VPS53: variants seen among roughly 807,000 people sequenced by gnomAD.
The protein encoded by VPS53 is VPS53 subunit of GARP complex, also known as vacuolar protein sorting-associated protein 53 homolog.
A neutral mutation model predicts 107.0 loss-of-function variants in VPS53; 70 were observed. The ratio of observed to expected loss-of-function variants is 0.65; its 90% CI spans 0.54 to 0.80. The LOEUF (loss-of-function observed/expected upper bound fraction) is 0.80. VPS53 is among the 30% of genes least tolerant of loss of function. The probability of loss-of-function intolerance (pLI) is 0.00; values close to 1 mark genes in which losing one functional copy is unlikely to be tolerated. For synonymous variants in VPS53, 409 were observed against 393.3 expected (o/e 1.04, Z -0.47); for missense variants, 917 against 1,049.4 (o/e 0.87, Z 1.74).
intron 4 of VPS53, among the ~76,000 whole-genome samples, chr17:682,899 G>C (rs1972453525): frequency 7.3e-6 from 1 of 137,338 alleles, no homozygotes; most frequent in African/African-American, 3.1e-5. Flanking sequence ...TGAATAATAT[G>C]CTAAAGAATC....
intron 5 of VPS53, chr17:656,843 A>G: frequency 6.3e-7 from 1 of 1,590,338 alleles, no homozygotes. Flanking sequence ...CTCTTCAGCA[A>G]TGGTGAGGCG....
intron 7 of VPS53, among the ~76,000 whole-genome samples, chr17:651,799 C>T (rs953264747): frequency 1.3e-5 from 2 of 152,146 alleles, no homozygotes; most frequent in Non-Finnish European, 2.9e-5. Flanking sequence ...AGTGTTCTTC[C>T]TGCCCCTCCT....
At chr17:560,748 T>C (rs1323533607) in intron 14 of VPS53, among the ~76,000 whole-genome samples, 175 bp from the exon 15 acceptor site, 1 of 152,142 alleles carries the variant, frequency 6.6e-6, no homozygotes, top group African/African-American at 2.4e-5. Flanking sequence ...CCGTCAGAAA[T>C]AGGAAGAGAT....
intron 2 of VPS53, among the ~76,000 whole-genome samples, chr17:709,739 A>C (rs750188301): frequency 6.6e-6 from 1 of 152,208 alleles, no homozygotes; most frequent in Non-Finnish European, 1.5e-5. Flanking sequence ...CAACTCTGCT[A>C]CTTCCAGTTC....
intron 15 of VPS53, among the ~76,000 whole-genome samples, chr17:556,826 G>A (rs60712804): frequency 0.26 from 36,722 of 141,388 alleles, 4,760 homozygotes; most frequent in East Asian, 0.39. Flanking sequence ...CGTAACTTCG[G>A]TTTTGTGGTG....
intron 7 of VPS53, among the ~76,000 whole-genome samples, chr17:640,051 G>T (rs1160025412): frequency 6.6e-6 from 1 of 152,244 alleles, no homozygotes. Context: ...GCTCCATCCA[G>T]TTCCAGCTTC....
At chr17:574,100 C>A (rs1914409283) in intron 13 of VPS53, among the ~76,000 whole-genome samples, 1 of 152,154 alleles carries the variant, frequency 6.6e-6, no homozygotes, top group Admixed American at 6.5e-5. Context: ...GTCTGACTAT[C>A]TCTCTTGACA....
intron 11 of VPS53, among the ~76,000 whole-genome samples, chr17:620,621 G>A (rs937729834): frequency 6.6e-6 from 1 of 152,044 alleles, no homozygotes; most frequent in Admixed American, 6.5e-5. Flanking sequence ...TATAGCGTGG[G>A]TCACCAAGTG....
chr17:640,188 AC>A (rs1304557989), intron 7 of VPS53, among the ~76,000 whole-genome samples: 1 of 151,816 alleles, frequency 6.6e-6, no homozygotes, highest in Non-Finnish European at 1.5e-5. Flanking sequence ...TGGGTGTGGG[AC>A]CCGCCGAGCC....
intron 15 of VPS53, among the ~76,000 whole-genome samples, chr17:558,231 G>T (rs1912615531): frequency 6.6e-6 from 1 of 152,218 alleles, no homozygotes; most frequent in African/African-American, 2.4e-5. Context: ...ACTTTGGAAG[G>T]CCAAGGTGAG....
At chr17:623,079 T>G (rs1262217771) in intron 11 of VPS53, among the ~76,000 whole-genome samples, 1 of 152,116 alleles carries the variant, frequency 6.6e-6, no homozygotes. Flanking sequence ...GTTCCACCTT[T>G]CCAATGGAGG....
intron 13 of VPS53, 110 bp downstream of exon 13, chr17:586,160 C>T: frequency 1.1e-6 from 1 of 909,698 alleles, no homozygotes; most frequent in East Asian, 2.5e-5. Context: ...GGGTCACAGG[C>T]ATGCCACAAC....
chr17:713,152 C>T (rs1366327225), intron 1 of VPS53, among the ~76,000 whole-genome samples: 1 of 151,018 alleles, frequency 6.6e-6, no homozygotes, highest in Non-Finnish European at 1.5e-5. Context: ...CAGTGAGCTA[C>T]GATTATGCCA....
At chr17:632,688 C>T (rs1485478967) in intron 7 of VPS53, 9 of 456,172 alleles carry the variant, frequency 2.0e-5, no homozygotes, top group Middle Eastern at 3.2e-4. Context: ...GCCTCTGGGA[C>T]CCAGCGTTCT....
In VPS53 at chr17:628,111, CCAGATACTCTGA is replaced by C; in HGVS notation, c.796_807del (p.Ser266_Leu269del). ...ACATCTTGGTTTTCTTGAAAAAGTACCAGATACTCTGACAGATGCTGTTTAATAAACTTTTTG... is the reference window on the plus strand; with the variant it reads ...ACATCTTGGTTTTCTTGAAAAAGTACCAGATGCTGTTTAATAAACTTTTTG... On this transcript the variant is annotated inframe_deletion, in exon 9 of 22. Coordinates refer to ENST00000437048, the MANE Select transcript of VPS53 (RefSeq NM_001128159.3). 1 of 1,612,846 alleles carries C rather than the reference CCAGATACTCTGA, an allele frequency of 6.2e-7. No homozygotes were observed. The highest frequency in any genetic ancestry group is 8.5e-7 in the Non-Finnish European group (1 of 1,179,658).
Position 692,086 on chromosome 17 carries a change from CAG to C in VPS53, c.285+5330_285+5331del, listed in dbSNP as rs1340115947. On this transcript the variant is annotated intron_variant, in intron 4 of 21. Coordinates refer to ENST00000437048, the MANE Select transcript of VPS53 (RefSeq NM_001128159.3). ...TTGCAGCCAGGCTCCATTGAAGAGA[CAG>C]AAACTCGGTGGCTGATCCTCTCCTG... 2.6e-4 allele frequency among the ~76,000 whole-genome samples: 39 copies of C among 152,222 alleles called. No homozygotes were observed. In the East Asian group the frequency reaches 7.3e-3, roughly 29 times the overall value.
At chr17:653,491 C>T in intron 6 of VPS53, 81 bp from the exon 7 acceptor site, 1 of 1,591,478 alleles carries the variant, frequency 6.3e-7, no homozygotes, top group Non-Finnish European at 8.6e-7. Flanking sequence ...CACGCTAGCT[C>T]TCAAACAGAT....
chr17:563,674 T>C (rs1367348912), intron 13 of VPS53, among the ~76,000 whole-genome samples: 2 of 152,208 alleles, frequency 1.3e-5, no homozygotes, highest in Non-Finnish European at 2.9e-5. Flanking sequence ...TACAGAAAAG[T>C]TGAGTACCTT....
chr17:523,642 A>C (rs1252891174), intron 19 of VPS53, among the ~76,000 whole-genome samples: 1 of 152,222 alleles, frequency 6.6e-6, no homozygotes, highest in Non-Finnish European at 1.5e-5. Context: ...AGGTGTGGTA[A>C]GGAATTACAC....
Sources: gnomAD v4.1 joint callset for allele counts (sites outside exome capture counted in the v4.1 genomes callset) on GRCh38, gnomAD v4.1.1 for gene constraint, MANE v1.5 for transcripts, NCBI Gene and HGNC (gene_info 2026-07-23, HGNC 2026-07-21) for gene names.